The following CPNE5 variants were observed in gnomAD, a reference collection of about 807,000 sequenced individuals.
CPNE5 encodes the protein copine-5.
A neutral mutation model predicts 81.1 loss-of-function variants in CPNE5; 42 were observed. The ratio of observed to expected loss-of-function variants is 0.52; its 90% CI spans 0.40 to 0.67. The LOEUF (loss-of-function observed/expected upper bound fraction) is 0.67, where lower values mean the gene tolerates loss of function less well. Ranked by LOEUF, CPNE5 falls within the 30% of genes least tolerant of loss-of-function variation. The pLI, the probability that CPNE5 is intolerant of heterozygous loss-of-function variation, is 0.00. For missense variants in CPNE5, 612 were observed against 815.5 expected, an observed-to-expected ratio of 0.75 and a Z score of 3.04; for synonymous variants, 313 against 321.5, an observed-to-expected ratio of 0.97 and a Z score of 0.28.
At chr6:36,762,045 A>C (rs1766075930) in intron 12 of CPNE5, among the ~76,000 whole-genome samples, 1 of 152,070 alleles carries the variant, frequency 6.6e-6, no homozygotes, top group Non-Finnish European at 1.5e-5. Flanking sequence ...TGAGCCCAGG[A>C]GCTCAAGACC....
At chr6:36,817,745 A>G (rs535081914) in intron 3 of CPNE5, among the ~76,000 whole-genome samples, 1 of 152,252 alleles carries the variant, frequency 6.6e-6, no homozygotes, top group South Asian at 2.1e-4. Flanking sequence ...GGTTCCACCA[A>G]TGGGAGGCAC....
At position 36,746,695 on chromosome 6, in the gene CPNE5, T is replaced by A; in HGVS notation, c.1019-118A>T. 1 of 837,772 alleles carries A rather than the reference T, an allele frequency of 1.2e-6. No homozygotes were observed. Among genetic ancestry groups the A allele is most frequent in the Non-Finnish European group, 1.9e-6 (1 of 537,994 alleles). The allele number at this position is 837,772 out of a possible 1,614,324, so 51.9% of individuals were successfully genotyped here. A position where few individuals can be genotyped will look rare whatever the true frequency, so the allele number is the denominator to read the frequency against. ...AACTTTTATTAATTCTTGACTCCTCTCTTTCTCTCATACCCCATGTTAAAT... is the reference window on the plus strand; with the variant it reads ...AACTTTTATTAATTCTTGACTCCTCACTTTCTCTCATACCCCATGTTAAAT... On this transcript the variant is annotated intron_variant, in intron 15 of 20. Transcript: ENST00000244751. The surrounding 1 kb of genome is among the most constrained non-coding windows in gnomAD (Gnocchi z 4.5).
intron 3 of CPNE5, among the ~76,000 whole-genome samples, chr6:36,814,748 C>T (rs1166795446): frequency 1.3e-5 from 2 of 152,076 alleles, no homozygotes; most frequent in Non-Finnish European, 2.9e-5. Context: ...GGTAAAGGGA[C>T]AGAAAACAGT....
chr6:36,758,305 G>T (rs532739774), intron 12 of CPNE5, among the ~76,000 whole-genome samples: 1 of 150,630 alleles, frequency 6.6e-6, no homozygotes, highest in African/African-American at 2.4e-5. Flanking sequence ...CTAAGACGGG[G>T]TCTTGCTCTA....
rs143168804 is a variant in CPNE5 at position 36,742,703 on chromosome 6, C to T, written c.1564-217G>A. 7.3e-4 allele frequency: 715 copies of T among 985,222 alleles called. 2 individuals carry two copies. Among genetic ancestry groups the T allele is most frequent in the Non-Finnish European group, 7.5e-4 (625 of 829,884 alleles). 61.0% of individuals were successfully genotyped at this position (985,222 alleles called of 1,614,324 possible). A position where few individuals can be genotyped will look rare whatever the true frequency, so the allele number is the denominator to read the frequency against. The stretch of plus-strand genomic sequence containing the variant: ...CATAGTCACTATTCTTTCATTCACT[C>T]GACAAAAACTGAGCCCTATTCCACA... On this transcript the variant is annotated intron_variant, in intron 20 of 20. Transcript: ENST00000244751.
At chr6:36,783,378 T>TAAAAA (rs36056853) in intron 8 of CPNE5, among the ~76,000 whole-genome samples, 53 of 118,418 alleles carry the variant, frequency 4.5e-4, no homozygotes, top group Admixed American at 5.9e-4. Context: ...GCAGTAAAAG[T>TAAAAA]AAAAAAAAAA....
At position 36,794,662 on chromosome 6, in the gene CPNE5, A is replaced by G. The variant is rs772741276; in HGVS notation, c.405-13T>C. ...GAATGCGCCTATCCTGTGGAGAGAG[A>G]GGGGGAGAGAGAGCATGCCATGAGC... On this transcript the variant is annotated splice_polypyrimidine_tract_variant and intron_variant, in intron 6 of 20. Transcript: ENST00000244751. 1.9e-6 allele frequency: 3 copies of G among 1,611,880 alleles called. No homozygotes were observed. The African/African-American group carries it at 4.0e-5, about 22-fold the overall frequency.
At chr6:36,773,054 A>G (rs1767176304) in intron 10 of CPNE5, among the ~76,000 whole-genome samples, 1 of 151,550 alleles carries the variant, frequency 6.6e-6, no homozygotes, top group Non-Finnish European at 1.5e-5. Context: ...AAATTTTTAA[A>G]TTTTTTTTTG....
chr6:36,777,774 AC>A (rs1767674557), intron 9 of CPNE5, among the ~76,000 whole-genome samples: 1 of 9,290 alleles, frequency 1.1e-4, no homozygotes, highest in Non-Finnish European at 3.0e-4. Flanking sequence ...CACCACACAC[AC>A]ACACACACAC....
intron 3 of CPNE5, among the ~76,000 whole-genome samples, chr6:36,800,417 C>A (rs1769999305): frequency 6.6e-6 from 1 of 152,198 alleles, no homozygotes; most frequent in African/African-American, 2.4e-5. Flanking sequence ...GCCACCTCCT[C>A]CAGGAAGCCT....
intron 12 of CPNE5, among the ~76,000 whole-genome samples, chr6:36,759,057 T>C (rs1460353096): frequency 6.6e-6 from 1 of 152,210 alleles, no homozygotes; most frequent in African/African-American, 2.4e-5. Context: ...TGTTGAACTA[T>C]CGGAATGGAC....
intron 1 of CPNE5, among the ~76,000 whole-genome samples, chr6:36,829,392 G>C (rs950757780): frequency 4.6e-5 from 7 of 152,198 alleles, no homozygotes; most frequent in Non-Finnish European, 7.3e-5. Flanking sequence ...AGCTACTCAA[G>C]AGGCTGGGGT....
At chr6:36,819,731 G>A (rs1345581092) in intron 3 of CPNE5, among the ~76,000 whole-genome samples, 1 of 152,116 alleles carries the variant, frequency 6.6e-6, no homozygotes, top group African/African-American at 2.4e-5. Context: ...GGACAAGCCT[G>A]CATCCTTCTG....
At chr6:36,814,369 G>A (rs537793780) in intron 3 of CPNE5, among the ~76,000 whole-genome samples, 2 of 152,156 alleles carry the variant, frequency 1.3e-5, no homozygotes, top group South Asian at 2.1e-4. Flanking sequence ...CTGTAACAAC[G>A]GACTGAATCC....
chr6:36,773,881 A>G (rs537950536), intron 10 of CPNE5, among the ~76,000 whole-genome samples: 9 of 152,294 alleles, frequency 5.9e-5, no homozygotes, highest in South Asian at 2.1e-4. Flanking sequence ...CCTGGGCAAC[A>G]TGGTGAAACC....
At chr6:36,834,731 T>G (rs568727218) in intron 1 of CPNE5, among the ~76,000 whole-genome samples, 6 of 152,116 alleles carry the variant, frequency 3.9e-5, no homozygotes, top group Non-Finnish European at 8.8e-5. Flanking sequence ...TAGCATGCAG[T>G]AGGCACTCAG....
At chr6:36,813,724 G>T (rs1389376873) in intron 3 of CPNE5, among the ~76,000 whole-genome samples, 1 of 152,058 alleles carries the variant, frequency 6.6e-6, no homozygotes, top group African/African-American at 2.4e-5. Flanking sequence ...CAGTAAGCTT[G>T]TTCCCACCTC....
At chr6:36,836,894 A>C in intron 1 of CPNE5, among the ~76,000 whole-genome samples, 1 of 151,126 alleles carries the variant, frequency 6.6e-6, no homozygotes, top group African/African-American at 2.4e-5. Flanking sequence ...ATCTCTCCCC[A>C]CCAAAACCCA....
chr6:36,780,618 A>G (rs1767961723), intron 8 of CPNE5, among the ~76,000 whole-genome samples: 1 of 151,974 alleles, frequency 6.6e-6, no homozygotes, highest in Non-Finnish European at 1.5e-5. Flanking sequence ...TATTATTTGA[A>G]CACCTGTTTC....
Sources: allele counts gnomAD v4.1 joint callset (sites outside exome capture counted in the v4.1 genomes callset), GRCh38; gene constraint gnomAD v4.1.1; non-coding constraint Gnocchi (gnomAD v3.1); transcripts MANE v1.5; gene names NCBI Gene and HGNC (gene_info 2026-07-23, HGNC 2026-07-21).